The following SEMA3A variants were observed in gnomAD, a reference collection of about 807,000 sequenced individuals.
SEMA3A encodes the protein semaphorin 3A.
SEMA3A carries 29 observed loss-of-function variants against 97.9 expected under a neutral mutation model. The ratio of observed to expected loss-of-function variants is 0.30; its 90% CI spans 0.22 to 0.40. SEMA3A has a LOEUF of 0.40. Among genes scored for constraint, SEMA3A ranks in the 10% least tolerant of loss-of-function variants. The pLI is 1.00. For missense variants in SEMA3A, 763 were observed against 951.3 expected, an observed-to-expected ratio of 0.80 and a Z score of 2.60; for synonymous variants, 321 against 323.7, an observed-to-expected ratio of 0.99 and a Z score of 0.09.
At chr7:84,177,458 C>T (rs537534292) in intron 1 of SEMA3A, among the ~76,000 whole-genome samples, 2 of 152,176 alleles carry the variant, frequency 1.3e-5, no homozygotes, top group Admixed American at 6.5e-5. Context: ...AAAGAGACTA[C>T]ATATTCTTGA....
intron 1 of SEMA3A, among the ~76,000 whole-genome samples, chr7:84,191,544 A>T (rs1798038669): frequency 6.6e-6 from 1 of 151,858 alleles, no homozygotes; most frequent in African/African-American, 2.4e-5. Context: ...TGTATCACAT[A>T]TCCCAAATGG....
intron 3 of SEMA3A, among the ~76,000 whole-genome samples, chr7:84,207,563 C>A (rs940239715): frequency 1.3e-5 from 2 of 152,098 alleles, no homozygotes; most frequent in Non-Finnish European, 2.9e-5. Flanking sequence ...TTACTGTGTT[C>A]TCTTTTGGGA....
At chr7:84,105,178 A>G (rs1382300634) in intron 4 of SEMA3A, among the ~76,000 whole-genome samples, 4 of 152,158 alleles carry the variant, frequency 2.6e-5, no homozygotes, top group Non-Finnish European at 5.9e-5. Flanking sequence ...AGATATCTGA[A>G]TTTCTCAGTT....
At chr7:84,371,946 C>A (rs76152582) in intron 1 of SEMA3A, 18 of 151,902 alleles carry the variant, frequency 1.2e-4, no homozygotes, top group African/African-American at 3.4e-4. Context: ...TGAACTTTGA[C>A]GCAAACTTGA....
In SEMA3A at chr7:84,303,271, C is replaced by T. The variant is rs146318677; in HGVS notation, c.-83+3936G>A. On this transcript the variant is annotated intron_variant, in intron 3 of 3. Transcript: ENST00000424555. Reference sequence around the variant, plus strand: ...CGTGAGGTAAGAGCTTGCTACTTGACCGGGTCACTAAGGTTGCTTGTTACT... The same window carrying T: ...CGTGAGGTAAGAGCTTGCTACTTGATCGGGTCACTAAGGTTGCTTGTTACT... Among the ~76,000 whole-genome samples, 8 of 152,168 alleles carry T rather than the reference C, an allele frequency of 5.3e-5. No individual in the cohort carries two copies. The East Asian group carries it at 1.5e-3, about 29-fold the overall frequency.
intron 1 of SEMA3A, among the ~76,000 whole-genome samples, chr7:84,174,929 C>A (rs967323984): frequency 2.7e-4 from 41 of 152,246 alleles, no homozygotes; most frequent in Middle Eastern, 6.8e-3. Context: ...AATCTAACAG[C>A]AGTAATTTAT....
At chr7:84,397,719 G>A (rs934676753) in intron 1 of SEMA3A, among the ~76,000 whole-genome samples, 18 of 151,920 alleles carry the variant, frequency 1.2e-4, no homozygotes, top group Non-Finnish European at 2.2e-4. Flanking sequence ...GATACATAGG[G>A]ACAGGTAACT....
At chr7:84,474,303 G>A (rs1806224878) in intron 1 of SEMA3A, among the ~76,000 whole-genome samples, 1 of 152,158 alleles carries the variant, frequency 6.6e-6, no homozygotes. Context: ...AGTGAAGACA[G>A]ACTTTGAAAA....
intron 1 of SEMA3A, among the ~76,000 whole-genome samples, chr7:84,186,378 T>A (rs534744413): frequency 6.6e-6 from 1 of 152,296 alleles, no homozygotes; most frequent in East Asian, 1.9e-4. Flanking sequence ...TAGTTAATAA[T>A]GGTGCTTTTG....
At chr7:83,999,114 G>T (rs1790336324) in intron 12 of SEMA3A, among the ~76,000 whole-genome samples, 1 of 152,128 alleles carries the variant, frequency 6.6e-6, no homozygotes. Context: ...TTAGGCAATA[G>T]GAAATTTTAG....
At chr7:84,240,968 G>GT (rs1156629690) in intron 3 of SEMA3A, among the ~76,000 whole-genome samples, 27 of 152,246 alleles carry the variant, frequency 1.8e-4, no homozygotes, top group African/African-American at 5.8e-4. Flanking sequence ...ATATTCCATG[G>GT]TGTATGTGTG....
intron 4 of SEMA3A, among the ~76,000 whole-genome samples, chr7:84,090,565 T>G (rs36064207): frequency 4.0e-5 from 6 of 151,888 alleles, no homozygotes; most frequent in Non-Finnish European, 7.4e-5. Flanking sequence ...CATTAAAGCT[T>G]ATGTGTGGAA....
At chr7:84,406,158 T>G (rs1804080408) in intron 1 of SEMA3A, among the ~76,000 whole-genome samples, 1 of 151,998 alleles carries the variant, frequency 6.6e-6, no homozygotes, top group Non-Finnish European at 1.5e-5. Flanking sequence ...CTAGCAAGAC[T>G]AATAAAGAAG....
intron 1 of SEMA3A, among the ~76,000 whole-genome samples, chr7:84,167,314 A>G (rs191108254): frequency 4.2e-4 from 64 of 152,316 alleles, no homozygotes; most frequent in Non-Finnish European, 6.6e-4. Flanking sequence ...CCTCTGAATA[A>G]TAGAAACAGT....
intron 1 of SEMA3A, among the ~76,000 whole-genome samples, chr7:84,372,964 G>A (rs375117787): frequency 2.0e-5 from 3 of 152,254 alleles, no homozygotes; most frequent in Admixed American, 6.5e-5. Flanking sequence ...TGATGTAAAA[G>A]TGACAACATG....
chr7:83,973,311 T>G (rs1788994765), intron 15 of SEMA3A, among the ~76,000 whole-genome samples: 1 of 152,124 alleles, frequency 6.6e-6, no homozygotes, highest in Non-Finnish European at 1.5e-5. Flanking sequence ...TATTTCTCCT[T>G]TAGTCTAGTC....
intron 1 of SEMA3A, among the ~76,000 whole-genome samples, chr7:84,489,732 G>A (rs755294257): frequency 4.6e-5 from 6 of 129,778 alleles, no homozygotes; most frequent in African/African-American, 1.3e-4. Flanking sequence ...CGATGTTGGC[G>A]TTCAAAATTG....
In SEMA3A at chr7:84,005,606, A is replaced by C. The variant is rs748779575; in HGVS notation, c.1141-48T>G. ...ATCTTTTGATTAAAATCTAATAAAC[A>C]TAATTATAAATTATATAATAACACA... On this transcript the variant is annotated intron_variant, in intron 10 of 16. Transcript: ENST00000265362. 23 of 1,236,562 alleles carry C rather than the reference A, an allele frequency of 1.9e-5. 1 individual carries two copies. Among genetic ancestry groups the C allele is most frequent in the Non-Finnish European group, 2.6e-5 (23 of 872,328 alleles). The allele number at this position is 1,236,562 out of a possible 1,614,324, so 76.6% of individuals were successfully genotyped here.
At chr7:84,141,239 T>C (rs1340390218) in intron 1 of SEMA3A, among the ~76,000 whole-genome samples, 1 of 152,194 alleles carries the variant, frequency 6.6e-6, no homozygotes, top group Non-Finnish European at 1.5e-5. Context: ...GCTTAAAATA[T>C]GCATCAAGCT....
Sources: allele counts gnomAD v4.1 joint callset (sites outside exome capture counted in the v4.1 genomes callset), GRCh38; gene constraint gnomAD v4.1.1; transcripts MANE v1.5; gene names NCBI Gene and HGNC (gene_info 2026-07-23, HGNC 2026-07-21).